ADAMTSL3: variants seen among roughly 807,000 people sequenced by gnomAD.
ADAMTSL3 encodes ADAMTS like 3.
In ADAMTSL3, 128 loss-of-function variants were observed where a neutral mutation model predicts 201.7. That is an observed-to-expected ratio of 0.63 (90% CI 0.55 to 0.73). The LOEUF is 0.73. ADAMTSL3 is among the 30% of genes least tolerant of loss of function. The pLI is 0.00. For synonymous variants in ADAMTSL3, 738 were observed against 748.4 expected (o/e 0.99, Z 0.23); for missense variants, 1,990 against 2,119.6 (o/e 0.94, Z 1.20).
intron 2 of ADAMTSL3, among the ~76,000 whole-genome samples, chr15:83,693,831 A>G: frequency 6.6e-6 from 1 of 152,192 alleles, no homozygotes; most frequent in South Asian, 2.1e-4. Flanking sequence ...AGTACTTGGC[A>G]CATAGTAGGT....
At chr15:83,717,352 A>G (rs184289055) in intron 3 of ADAMTSL3, 1 of 152,354 alleles carries the variant, frequency 6.6e-6, no homozygotes, top group Non-Finnish European at 1.5e-5. Flanking sequence ...CCCTTTATTA[A>G]GCAACCTGCA....
Position 83,914,849 on chromosome 15 carries a change from TTTTGTTTG to T in ADAMTSL3, c.1987+1491_1987+1498del, listed in dbSNP as rs140942655. Among the ~76,000 whole-genome samples the T allele has an allele frequency of 4.5e-3, 120 of 26,450 alleles. 3 individuals carry two copies. The East Asian group carries it at 0.13, about 29-fold the overall frequency. The allele number at this position is 26,450 out of a possible 152,430, so 17.4% of individuals were successfully genotyped here. A position where few individuals can be genotyped will look rare whatever the true frequency, so the allele number is the denominator to read the frequency against. Reference sequence around the variant, plus strand: ...TGTTTGTTGTTTTTTGTTTGTTTGGTTTTGTTTGTTTGTTTGTTTGTTTGTTTTTTGTT... The same window carrying T: ...TGTTTGTTGTTTTTTGTTTGTTTGGTTTTGTTTGTTTGTTTGTTTTTTGTT... On this transcript the variant is annotated intron_variant, in intron 16 of 29. Coordinates refer to ENST00000286744, the MANE Select transcript of ADAMTSL3 (RefSeq NM_207517.3).
chr15:84,024,296 C>T (rs2068262297), intron 26 of ADAMTSL3, among the ~76,000 whole-genome samples: 1 of 152,118 alleles, frequency 6.6e-6, no homozygotes, highest in South Asian at 2.1e-4. Flanking sequence ...TATAGATTTA[C>T]TTCTCTATTA....
chr15:83,787,425 G>C (rs2063282109), intron 4 of ADAMTSL3, among the ~76,000 whole-genome samples: 1 of 152,158 alleles, frequency 6.6e-6, no homozygotes, highest in African/African-American at 2.4e-5. Context: ...CATGACTATA[G>C]TATGGGTCTG....
chr15:83,691,711 T>G (rs1459774036), intron 2 of ADAMTSL3, among the ~76,000 whole-genome samples: 1 of 152,160 alleles, frequency 6.6e-6, no homozygotes, highest in African/African-American at 2.4e-5. Context: ...ACCTCCCAGG[T>G]TCAAGTGATT....
In ADAMTSL3 at chr15:83,786,059, C is replaced by A. The variant is rs150445308; in HGVS notation, c.317+12409C>A. On this transcript the variant is annotated intron_variant, in intron 4 of 29. Transcript: ENST00000286744. ...GTTTCACCATGTTGGCCAGGTTGGT[C>A]TCAAACTCCTGACCTCAAGTGATCT... Among the ~76,000 whole-genome samples the A allele has an allele frequency of 4.4e-4, 67 of 152,250 alleles. 1 individual carries two copies. The highest frequency in any genetic ancestry group is 1.6e-3 in the African/African-American group (65 of 41,546).
intron 26 of ADAMTSL3, among the ~76,000 whole-genome samples, chr15:84,022,655 A>G (rs967651690): frequency 2.0e-5 from 3 of 152,164 alleles, no homozygotes; most frequent in African/African-American, 7.2e-5. Context: ...TTTTTATCTC[A>G]TGTTTGAAAC....
At chr15:84,015,703 C>T (rs531442675) in intron 24 of ADAMTSL3, among the ~76,000 whole-genome samples, 2 of 152,176 alleles carry the variant, frequency 1.3e-5, no homozygotes, top group South Asian at 2.1e-4. Flanking sequence ...CCAAAATCTT[C>T]GAATGGAAGA....
intron 9 of ADAMTSL3, 86 bp from the exon 10 acceptor site, chr15:83,885,015 A>G: frequency 1.2e-6 from 1 of 855,554 alleles, no homozygotes; most frequent in Non-Finnish European, 1.9e-6. Flanking sequence ...GTCTACATAC[A>G]TGAAGAACAT....
chr15:83,660,046 A>C (rs543302436), intron 2 of ADAMTSL3, among the ~76,000 whole-genome samples: 2 of 152,294 alleles, frequency 1.3e-5, no homozygotes, highest in East Asian at 3.9e-4. Context: ...CACCAAGAGG[A>C]AACTAATACA....
At chr15:83,894,986 G>A (rs2065583513) in intron 13 of ADAMTSL3, among the ~76,000 whole-genome samples, 1 of 152,184 alleles carries the variant, frequency 6.6e-6, no homozygotes, top group African/African-American at 2.4e-5. Flanking sequence ...AATGAGCCAT[G>A]TGTTCAGCAA....
chr15:83,793,865 T>C (rs1295461244), intron 4 of ADAMTSL3, among the ~76,000 whole-genome samples: 3 of 152,200 alleles, frequency 2.0e-5, no homozygotes, highest in Non-Finnish European at 4.4e-5. Flanking sequence ...GCAGTGGTAT[T>C]GGCAGAGGAA....
intron 6 of ADAMTSL3, among the ~76,000 whole-genome samples, chr15:83,827,852 G>A (rs1373997533): frequency 1.3e-5 from 2 of 152,038 alleles, no homozygotes; most frequent in South Asian, 4.1e-4. Flanking sequence ...ATTTCTGAGG[G>A]CTCTGTTCTG....
intron 3 of ADAMTSL3, chr15:83,739,882 C>T (rs1426160): frequency 0.83 from 495,770 of 594,312 alleles, 208,583 homozygotes; most frequent in East Asian, 0.96. Flanking sequence ...TCCTGCCTGA[C>T]GACCAGATGC....
In ADAMTSL3 at chr15:83,797,799, C is replaced by T. The variant is rs150869771; in HGVS notation, c.318-6851C>T. On this transcript the variant is annotated intron_variant, in intron 4 of 29. Transcript: ENST00000286744. ...TGGTAATAGTGATGCTGTAAACACC[C>T]AGAAGAGAACAACCCCGCTCAGGTA... Among the ~76,000 whole-genome samples the T allele has an allele frequency of 8.3e-4, 127 of 152,128 alleles. 1 individual carries two copies. The highest frequency in any genetic ancestry group is 3.0e-3 in the African/African-American group (124 of 41,492).
intron 21 of ADAMTSL3, among the ~76,000 whole-genome samples, chr15:83,985,382 A>AT (rs2067455858): frequency 6.6e-6 from 1 of 152,130 alleles, no homozygotes; most frequent in Non-Finnish European, 1.5e-5. Flanking sequence ...CTCATTTAAA[A>AT]AATATATATA....
intron 4 of ADAMTSL3, among the ~76,000 whole-genome samples, chr15:83,795,263 GCAACAACAA>G (rs58698546): frequency 6.6e-6 from 1 of 150,894 alleles, no homozygotes; most frequent in Non-Finnish European, 1.5e-5. Context: ...AACAGCAGCA[GCAACAACAA>G]CAACAACAAC....
intron 2 of ADAMTSL3, among the ~76,000 whole-genome samples, chr15:83,693,867 T>C (rs1022196667): frequency 6.6e-6 from 1 of 152,226 alleles, no homozygotes; most frequent in African/African-American, 2.4e-5. Context: ...GCTGAGTGAT[T>C]GAATGGGTCC....
At chr15:83,962,312 T>C (rs2066988775) in intron 19 of ADAMTSL3, 1 of 152,208 alleles carries the variant, frequency 6.6e-6, no homozygotes, top group Non-Finnish European at 1.5e-5. Flanking sequence ...AAGATTGGAC[T>C]AATACAGTAG....
Sources: allele counts gnomAD v4.1 joint callset (sites outside exome capture counted in the v4.1 genomes callset), GRCh38; gene constraint gnomAD v4.1.1; transcripts MANE v1.5; gene names NCBI Gene and HGNC (gene_info 2026-07-23, HGNC 2026-07-21).